The following LRRTM4 variants were observed in gnomAD, a reference collection of about 807,000 sequenced individuals.
LRRTM4 encodes leucine rich repeat transmembrane neuronal 4.
Under a neutral mutation model 47.6 loss-of-function variants are expected in LRRTM4, and 25 were observed. The observed-to-expected ratio is 0.53, with a 90% CI of 0.38 to 0.73. LRRTM4 has a LOEUF of 0.73. Among genes scored for constraint, LRRTM4 ranks in the 30% least tolerant of loss-of-function variants. The probability of loss-of-function intolerance (pLI) is 0.00; values close to 1 mark genes in which losing one functional copy is unlikely to be tolerated. For missense variants in LRRTM4, 638 were observed against 713.4 expected (o/e 0.89, Z 1.20); for synonymous variants, 311 against 269.5 (o/e 1.15, Z -1.51).
intron 3 of LRRTM4, among the ~76,000 whole-genome samples, chr2:77,268,667 A>T (rs1218815106): frequency 6.6e-6 from 1 of 152,160 alleles, no homozygotes; most frequent in African/African-American, 2.4e-5. Context: ...GATATACAAT[A>T]GTTGTACTCA....
intron 3 of LRRTM4, among the ~76,000 whole-genome samples, chr2:77,250,647 CA>C (rs1416614387): frequency 6.6e-6 from 1 of 152,142 alleles, no homozygotes; most frequent in African/African-American, 2.4e-5. Flanking sequence ...ACAAATTGTA[CA>C]GAAAAATATA....
intron 3 of LRRTM4, among the ~76,000 whole-genome samples, chr2:77,469,299 C>T (rs762970369): frequency 2.6e-5 from 4 of 152,272 alleles, no homozygotes; most frequent in East Asian, 3.9e-4. Context: ...CACACAGAAG[C>T]GTCTTTATTT....
chr2:77,252,013 G>A (rs978123811), intron 3 of LRRTM4, among the ~76,000 whole-genome samples: 3 of 152,124 alleles, frequency 2.0e-5, no homozygotes, highest in Admixed American at 6.6e-5. Context: ...CCTACGACTT[G>A]CAGACAGATA....
At chr2:77,072,800 CAAAA>C (rs373786120) in intron 3 of LRRTM4, among the ~76,000 whole-genome samples, 6 of 78,742 alleles carry the variant, frequency 7.6e-5, no homozygotes, top group Admixed American at 1.8e-4. Context: ...CTCCGTCTTC[CAAAA>C]AAAAAAAAAA....
intron 3 of LRRTM4, among the ~76,000 whole-genome samples, chr2:77,065,113 G>A (rs1271374658): frequency 6.6e-6 from 1 of 151,956 alleles, no homozygotes; most frequent in Non-Finnish European, 1.5e-5. Flanking sequence ...TATTATGATG[G>A]GCAATTCATA....
intron 3 of LRRTM4, among the ~76,000 whole-genome samples, chr2:76,869,874 T>G (rs1189789932): frequency 6.6e-6 from 1 of 152,192 alleles, no homozygotes; most frequent in African/African-American, 2.4e-5. Flanking sequence ...ACTTGAATAT[T>G]ATTTTTAATT....
chr2:77,244,519 G>C (rs1368261598), intron 3 of LRRTM4, among the ~76,000 whole-genome samples: 1 of 152,116 alleles, frequency 6.6e-6, no homozygotes, highest in Non-Finnish European at 1.5e-5. Context: ...TGTTTAAGGA[G>C]ATTGGTAGAT....
chr2:77,117,104 A>G (rs1027885157), intron 3 of LRRTM4, among the ~76,000 whole-genome samples: 1 of 152,064 alleles, frequency 6.6e-6, no homozygotes, highest in Non-Finnish European at 1.5e-5. Flanking sequence ...TATGAAGTTT[A>G]TCCATTTTAC....
At chr2:77,455,227 A>G (rs1009179004) in intron 3 of LRRTM4, among the ~76,000 whole-genome samples, 1 of 152,178 alleles carries the variant, frequency 6.6e-6, no homozygotes, top group Non-Finnish European at 1.5e-5. Context: ...AAAGTGTTTA[A>G]ATTTCATGCA....
chr2:76,820,150 G>C (rs1447764668), intron 3 of LRRTM4, among the ~76,000 whole-genome samples: 1 of 151,922 alleles, frequency 6.6e-6, no homozygotes, highest in Non-Finnish European at 1.5e-5. Flanking sequence ...CAACTATGAT[G>C]AAATTGTTAT....
intron 3 of LRRTM4, among the ~76,000 whole-genome samples, chr2:77,492,396 C>A (rs182544852): frequency 2.0e-5 from 3 of 152,054 alleles, no homozygotes; most frequent in Non-Finnish European, 4.4e-5. Context: ...AGTATCTGGA[C>A]TACAAGCACA....
chr2:77,284,577 C>T (rs1365878909), intron 3 of LRRTM4, among the ~76,000 whole-genome samples: 2 of 152,000 alleles, frequency 1.3e-5, no homozygotes, highest in Non-Finnish European at 2.9e-5. Flanking sequence ...TTGACAATTT[C>T]TAGTATTTCC....
At chr2:77,047,900 G>T (rs2103760924) in intron 3 of LRRTM4, among the ~76,000 whole-genome samples, 1 of 152,158 alleles carries the variant, frequency 6.6e-6, no homozygotes, top group East Asian at 1.9e-4. Context: ...CAAGTTTGGG[G>T]TTGAGGTCCA....
At chr2:77,023,580 G>C (rs564939428) in intron 3 of LRRTM4, among the ~76,000 whole-genome samples, 221 of 152,260 alleles carry the variant, frequency 1.5e-3, no homozygotes, top group Non-Finnish European at 2.6e-3. Flanking sequence ...CTTCTGCCAG[G>C]TACCCTGAAT....
intron 3 of LRRTM4, among the ~76,000 whole-genome samples, chr2:76,812,123 T>C (rs1055421026): frequency 1.3e-5 from 2 of 152,170 alleles, no homozygotes; most frequent in African/African-American, 4.8e-5. Flanking sequence ...AAGAAAAATT[T>C]ATAGGGTAAC....
chr2:77,194,835 A>G (rs1228772203), intron 3 of LRRTM4, among the ~76,000 whole-genome samples: 2 of 152,166 alleles, frequency 1.3e-5, no homozygotes, highest in South Asian at 4.1e-4. Flanking sequence ...CAATAACCCA[A>G]TATCATATTT....
intron 3 of LRRTM4, among the ~76,000 whole-genome samples, chr2:77,053,609 C>T (rs1679510614): frequency 6.6e-6 from 1 of 152,066 alleles, no homozygotes; most frequent in African/African-American, 2.4e-5. Context: ...CAATAATTAT[C>T]TCTATTGAGT....
intron 3 of LRRTM4, chr2:77,517,630 A>G (rs1679259450): frequency 1.0e-6 from 1 of 984,308 alleles, no homozygotes; most frequent in African/African-American, 1.7e-5. Flanking sequence ...CAAACAAACA[A>G]ACAAAAAAAG....
At chr2:77,270,538 G>C (rs992431390) in intron 3 of LRRTM4, among the ~76,000 whole-genome samples, 1 of 152,148 alleles carries the variant, frequency 6.6e-6, no homozygotes, top group African/African-American at 2.4e-5. Flanking sequence ...GAAAATGTCT[G>C]CTCCTTTTTA....
Sources: gnomAD v4.1 joint callset for allele counts (sites outside exome capture counted in the v4.1 genomes callset) on GRCh38, gnomAD v4.1.1 for gene constraint, MANE v1.5 for transcripts, NCBI Gene and HGNC (gene_info 2026-07-23, HGNC 2026-07-21) for gene names.